The following P3H2 variants were observed in gnomAD, a reference collection of about 807,000 sequenced individuals.
P3H2 encodes prolyl 3-hydroxylase 2.
A neutral mutation model predicts 87.0 loss-of-function variants in P3H2; 80 were observed. The ratio of observed to expected loss-of-function variants is 0.92; its 90% CI spans 0.77 to 1.11. The LOEUF is 1.11. P3H2 is among the 50% of genes least tolerant of loss of function. P3H2 has a pLI of 0.00. For missense variants in P3H2, 1,001 were observed against 923.9 expected (o/e 1.08, Z -1.08); for synonymous variants, 367 against 359.3 (o/e 1.02, Z -0.24).
At chr3:189,986,653 C>T in intron 6 of P3H2, 135 bp downstream of exon 6, 1 of 700,408 alleles carries the variant, frequency 1.4e-6, no homozygotes, top group South Asian at 1.6e-5. Flanking sequence ...TCTCCCACCC[C>T]CAATTTTTAC....
intron 1 of P3H2, among the ~76,000 whole-genome samples, chr3:190,024,566 G>GA (rs954004940): frequency 1.5e-5 from 2 of 136,598 alleles, no homozygotes; most frequent in Non-Finnish European, 1.6e-5. Context: ...AAGAAAGAAA[G>GA]AAAAAAAATT....
chr3:190,101,175 C>T (rs967380164), intron 1 of P3H2, among the ~76,000 whole-genome samples: 1 of 151,816 alleles, frequency 6.6e-6, no homozygotes, highest in Admixed American at 6.6e-5. Context: ...CTCCCTGTCC[C>T]CTGAGACACA....
intron 1 of P3H2, among the ~76,000 whole-genome samples, chr3:190,117,197 AT>A (rs1712322576): frequency 6.6e-6 from 1 of 152,200 alleles, no homozygotes; most frequent in Non-Finnish European, 1.5e-5. Flanking sequence ...TTACCTTTCT[AT>A]TAAACATTTA....
intron 1 of P3H2, among the ~76,000 whole-genome samples, chr3:190,095,451 C>CA (rs1727545252): frequency 6.8e-6 from 1 of 147,506 alleles, no homozygotes; most frequent in Non-Finnish European, 1.5e-5. Flanking sequence ...GTAAGCAAAC[C>CA]AAAAAAACCT....
intron 1 of P3H2, among the ~76,000 whole-genome samples, chr3:190,069,473 C>A (rs1428458587): frequency 6.6e-6 from 1 of 152,138 alleles, no homozygotes; most frequent in African/African-American, 2.4e-5. Flanking sequence ...ATAAATGAAT[C>A]TCCTCTTCAC....
chr3:190,022,620 A>G lies in P3H2; in HGVS notation c.481-27178T>C, dbSNP rs1000442379. Reference sequence around the variant, plus strand: ...TCTATTTGCAAAGTTGGCAATTTAGAGGGTTTCTAAATAGATCAAAACCCC... The same window carrying G: ...TCTATTTGCAAAGTTGGCAATTTAGGGGGTTTCTAAATAGATCAAAACCCC... On this transcript the variant is annotated intron_variant, in intron 1 of 14. Transcript: ENST00000319332. Among the ~76,000 whole-genome samples, 25 of 121,950 alleles carry G rather than the reference A, an allele frequency of 2.1e-4. 2 individuals carry two copies. Among genetic ancestry groups the G allele is most frequent in the African/African-American group, 6.6e-4 (24 of 36,540 alleles). The allele number at this position is 121,950 out of a possible 152,430, so 80.0% of individuals were successfully genotyped here.
At chr3:190,066,110 T>A (rs1264716536) in intron 1 of P3H2, among the ~76,000 whole-genome samples, 1 of 148,080 alleles carries the variant, frequency 6.8e-6, no homozygotes, top group African/African-American at 2.5e-5. Flanking sequence ...TAAATGTCCA[T>A]CAATCAACGA....
Position 190,044,186 on chromosome 3 carries a change from C to T in P3H2, c.481-48744G>A, listed in dbSNP as rs149537756. 5.8e-4 allele frequency among the ~76,000 whole-genome samples: 88 copies of T among 152,294 alleles called. No individual in the cohort carries two copies. The East Asian group carries it at 0.016, about 28-fold the overall frequency. On this transcript the variant is annotated intron_variant, in intron 1 of 14. Coordinates refer to ENST00000319332, the MANE Select transcript of P3H2 (RefSeq NM_018192.4). ...GAATGAATAGGTGTCCAACTCCATT[C>T]CCAGGATATTTTGAAAATCATTAGC...
chr3:190,016,786 T>C (rs1456703136), intron 1 of P3H2, among the ~76,000 whole-genome samples: 1 of 152,154 alleles, frequency 6.6e-6, no homozygotes, highest in Non-Finnish European at 1.5e-5. Context: ...CTGTCAATTG[T>C]CCCATGACCC....
intron 1 of P3H2, among the ~76,000 whole-genome samples, chr3:190,017,630 A>G (rs1389319732): frequency 6.6e-6 from 1 of 152,224 alleles, no homozygotes; most frequent in Non-Finnish European, 1.5e-5. Context: ...CCATCGAGCC[A>G]CACCCCTAAG....
intron 14 of P3H2, among the ~76,000 whole-genome samples, chr3:189,962,503 G>A (rs1430526467): frequency 2.0e-5 from 3 of 152,260 alleles, no homozygotes; most frequent in Middle Eastern, 3.4e-3. Context: ...CCTGGCTATC[G>A]TCTTTGCTTC....
At chr3:189,964,222 G>C in intron 13 of P3H2, 124 bp from the exon 14 acceptor site, 1 of 865,518 alleles carries the variant, frequency 1.2e-6, no homozygotes, top group Non-Finnish European at 1.9e-6. Context: ...GGAATCCTGG[G>C]ATTGAAGATG....
chr3:189,979,164 C>A (rs991250611), intron 8 of P3H2, among the ~76,000 whole-genome samples: 2 of 152,110 alleles, frequency 1.3e-5, no homozygotes, highest in Non-Finnish European at 2.9e-5. Context: ...TGGCTCACAC[C>A]TGTAATCCTA....
In P3H2 at chr3:190,120,319, C is replaced by A; in HGVS notation, c.413G>T (p.Ser138Ile). 6.2e-7 allele frequency: 1 copy of A among 1,605,830 alleles called. No homozygotes were observed. The highest frequency in any genetic ancestry group is 8.5e-7 in the Non-Finnish European group (1 of 1,177,568). ...LGGPASRHRV[S>I]EDVRSDFQRR... ...CTGGAAGTCGCTGCGCACATCCTCG[C>A]TGACGCGGTGGCGGGATGCGGGGCC... Residue 138 changes from serine (S) to isoleucine (I), a missense_variant, in exon 1 of 15, where the codon AGC becomes ATC. Coordinates refer to ENST00000319332, the MANE Select transcript of P3H2 (RefSeq NM_018192.4).
chr3:190,105,345 G>A (rs146680994), intron 1 of P3H2, among the ~76,000 whole-genome samples: 115 of 152,232 alleles, frequency 7.6e-4, no homozygotes, highest in African/African-American at 2.5e-3. Flanking sequence ...AGGAACAATC[G>A]CCTCAAATGA....
At chr3:190,086,122 C>T (rs1486994702) in intron 1 of P3H2, among the ~76,000 whole-genome samples, 4 of 152,154 alleles carry the variant, frequency 2.6e-5, no homozygotes, top group Non-Finnish European at 5.9e-5. Context: ...GTCATCTACT[C>T]ATCCCCAAAA....
intron 1 of P3H2, among the ~76,000 whole-genome samples, chr3:190,084,439 CT>C (rs1270335114): frequency 6.6e-6 from 1 of 152,194 alleles, no homozygotes; most frequent in African/African-American, 2.4e-5. Flanking sequence ...TTTTCTCCAT[CT>C]CTTGGCCAGA....
intron 6 of P3H2, 148 bp downstream of exon 6, chr3:189,986,640 A>G (rs1723708668): frequency 1.5e-6 from 1 of 667,216 alleles, no homozygotes; most frequent in Admixed American, 2.5e-5. Flanking sequence ...TATTGAGTAA[A>G]TATCTCCCAC....
Position 189,973,952 on chromosome 3 carries a change from G to T in P3H2, c.1505C>A (p.Pro502His). 6.2e-7 allele frequency: 1 copy of T among 1,613,990 alleles called. No individual in the cohort carries two copies. Among genetic ancestry groups the T allele is most frequent in the Non-Finnish European group, 8.5e-7 (1 of 1,179,960 alleles). The change falls in exon 10 of 15, where the codon CCC becomes CAC. Residue 502 changes from proline (P) to histidine (H), a missense_variant. Physicochemically the swap from Pro to His is moderately conservative, Grantham distance 77. Transcript: ENST00000319332. ...AGTTGCACCTTCAAACTTTTCATTGGGTGTATGGGGTGAAGTTTTTCCTCT... is the reference window on the plus strand; with the variant it reads ...AGTTGCACCTTCAAACTTTTCATTGTGTGTATGGGGTGAAGTTTTTCCTCT... ...GYRGKTSPHTPNEKFEGATVL... is the reference protein window; with the variant it reads ...GYRGKTSPHTHNEKFEGATVL...
Sources: allele counts gnomAD v4.1 joint callset (sites outside exome capture counted in the v4.1 genomes callset), GRCh38; gene constraint gnomAD v4.1.1; transcripts MANE v1.5; gene names NCBI Gene and HGNC (gene_info 2026-07-23, HGNC 2026-07-21).